Variants in RIMS4 observed in about 807,000 individuals in gnomAD.
RIMS4 encodes regulating synaptic membrane exocytosis 4, also known as regulating synaptic membrane exocytosis protein 4.
In RIMS4, 9 loss-of-function variants were observed where a neutral mutation model predicts 29.0. The ratio of observed to expected loss-of-function variants is 0.31; its 90% CI spans 0.19 to 0.54. RIMS4 has a LOEUF of 0.54. Ranked by LOEUF, RIMS4 falls within the 20% of genes least tolerant of loss-of-function variation. The probability of loss-of-function intolerance (pLI) is 0.94; values close to 1 mark genes in which losing one functional copy is unlikely to be tolerated. For missense variants in RIMS4, 193 were observed against 365.7 expected (o/e 0.53, Z 3.85); for synonymous variants, 130 against 152.9 (o/e 0.85, Z 1.10).
At chr20:44,805,512 C>T (rs1236330617) in intron 1 of RIMS4, among the ~76,000 whole-genome samples, 1 of 151,950 alleles carries the variant, frequency 6.6e-6, no homozygotes, top group African/African-American at 2.4e-5. Context: ...GTGTCCTGCC[C>T]TGGAGGGTGA....
intron 1 of RIMS4, among the ~76,000 whole-genome samples, chr20:44,779,533 C>T (rs573001822): frequency 1.4e-4 from 22 of 152,352 alleles, no homozygotes; most frequent in Admixed American, 5.2e-4. Context: ...TTACCCAACA[C>T]GACGTTTGTG....
intron 1 of RIMS4, among the ~76,000 whole-genome samples, chr20:44,779,380 A>G (rs1166977157): frequency 6.6e-6 from 1 of 152,256 alleles, no homozygotes; most frequent in African/African-American, 2.4e-5. Flanking sequence ...AGTGCCCTAC[A>G]GAAGGCCCAC....
At chr20:44,760,781 A>G (rs1444048827) in intron 2 of RIMS4, among the ~76,000 whole-genome samples, 1 of 152,220 alleles carries the variant, frequency 6.6e-6, no homozygotes, top group Admixed American at 6.5e-5. Context: ...GGAATATGTT[A>G]GTGAACAGTG....
intron 1 of RIMS4, among the ~76,000 whole-genome samples, chr20:44,805,418 C>A (rs2066294331): frequency 1.3e-5 from 2 of 152,158 alleles, no homozygotes; most frequent in South Asian, 4.1e-4. Context: ...CTTCACTTAT[C>A]CAAATCTACA....
intron 1 of RIMS4, among the ~76,000 whole-genome samples, chr20:44,789,293 CT>C (rs772930578): frequency 1.2e-4 from 18 of 152,100 alleles, no homozygotes; most frequent in Non-Finnish European, 2.5e-4. Flanking sequence ...ATGAGAATTT[CT>C]TTTTATTATT....
In RIMS4 at chr20:44,754,353, G is replaced by A. The variant is rs2066048847; in HGVS notation, c.*1781C>T. On this transcript the variant is annotated 3_prime_UTR_variant, in exon 6 of 6. Coordinates refer to ENST00000372851, the MANE Select transcript of RIMS4 (RefSeq NM_182970.4). Reference sequence around the variant, plus strand: ...AATACCCAGGGTTTCCACAGGCTAAGGGAAGGGAAGAATTTCCGGGTGGAA... The same window carrying A: ...AATACCCAGGGTTTCCACAGGCTAAAGGAAGGGAAGAATTTCCGGGTGGAA... 6.4e-6 allele frequency: 1 copy of A among 156,524 alleles called. No individual in the cohort carries two copies. 9.7% of individuals were successfully genotyped at this position (156,524 alleles called of 1,614,324 possible).
intron 1 of RIMS4, among the ~76,000 whole-genome samples, chr20:44,783,505 T>A (rs2066194055): frequency 6.6e-6 from 1 of 152,050 alleles, no homozygotes; most frequent in African/African-American, 2.4e-5. Context: ...GTGTCTGTAA[T>A]CCTAGCTACT....
rs752810542 is a variant in RIMS4 at position 44,753,541 on chromosome 20, T to G, written c.*2593A>C. 1 of 152,384 alleles carries G rather than the reference T, an allele frequency of 6.6e-6. No individual in the cohort carries two copies. The highest frequency in any genetic ancestry group is 2.4e-5 in the African/African-American group (1 of 41,410). The allele number at this position is 152,384 out of a possible 1,614,324, so 9.4% of individuals were successfully genotyped here. A position where few individuals can be genotyped will look rare whatever the true frequency, so the allele number is the denominator to read the frequency against. ...TCCCCTGGAGACCCCAGCCCCCCAG[T>G]GGCCCCTAGTGCCAGCCTCTCTGCT... is the stretch of plus-strand genomic sequence containing the variant. On this transcript the variant is annotated 3_prime_UTR_variant, in exon 6 of 6. Coordinates refer to ENST00000372851, the MANE Select transcript of RIMS4 (RefSeq NM_182970.4).
chr20:44,799,417 C>A (rs993329620), intron 1 of RIMS4, among the ~76,000 whole-genome samples: 4 of 151,846 alleles, frequency 2.6e-5, no homozygotes, highest in African/African-American at 9.7e-5. Flanking sequence ...AGAAGCTGGG[C>A]ACAAATGGTA....
At chr20:44,769,998 G>A (rs1314719622) in intron 2 of RIMS4, among the ~76,000 whole-genome samples, 2 of 152,204 alleles carry the variant, frequency 1.3e-5, no homozygotes, top group African/African-American at 4.8e-5. Flanking sequence ...AGTTGCTAGC[G>A]AGCACTTGAA....
chr20:44,808,265 C>T (rs547162247), intron 1 of RIMS4, among the ~76,000 whole-genome samples: 29 of 152,302 alleles, frequency 1.9e-4, no homozygotes, highest in African/African-American at 6.0e-4. Context: ...AAAAAACAAA[C>T]ATGAGTGGAC....
chr20:44,800,890 C>T (rs891771132), intron 1 of RIMS4, among the ~76,000 whole-genome samples: 18 of 152,206 alleles, frequency 1.2e-4, no homozygotes, highest in Non-Finnish European at 2.1e-4. Context: ...TAGACCAGAG[C>T]GAGGAGGCCT....
rs2066053054 is a variant in RIMS4 at position 44,755,104 on chromosome 20, T to A, written c.*1030A>T. ...CCGGGGCAGTGGGTTCTGCCCTTAG[T>A]ATAGGATGTTTTTTTTAAAAAGACT... is the stretch of plus-strand genomic sequence containing the variant. On this transcript the variant is annotated 3_prime_UTR_variant, in exon 6 of 6. Coordinates refer to ENST00000372851, the MANE Select transcript of RIMS4 (RefSeq NM_182970.4). 2 of 152,562 alleles carry A rather than the reference T, an allele frequency of 1.3e-5. No individual in the cohort carries two copies. The highest frequency in any genetic ancestry group is 2.9e-5 in the Non-Finnish European group (2 of 68,024). The allele number at this position is 152,562 out of a possible 1,614,324, so 9.5% of individuals were successfully genotyped here. A position where few individuals can be genotyped will look rare whatever the true frequency, so the allele number is the denominator to read the frequency against.
chr20:44,798,397 A>ATT (rs1260582823), intron 1 of RIMS4, among the ~76,000 whole-genome samples: 2 of 152,148 alleles, frequency 1.3e-5, no homozygotes, highest in Admixed American at 1.3e-4. Context: ...ATTTCTCCAT[A>ATT]TGGCCGAATG....
intron 1 of RIMS4, among the ~76,000 whole-genome samples, chr20:44,804,857 G>A (rs142955234): frequency 2.3e-3 from 347 of 152,302 alleles, no homozygotes; most frequent in African/African-American, 8.0e-3. Context: ...GATGGGGAAG[G>A]GGGTGCCTAA....
intron 1 of RIMS4, among the ~76,000 whole-genome samples, chr20:44,774,894 T>C (rs1028033065): frequency 4.6e-5 from 7 of 152,046 alleles, no homozygotes; most frequent in Admixed American, 2.0e-4. Context: ...CTCCCACCTC[T>C]TTCACCAACT....
At chr20:44,767,590 A>T (rs1601023739) in intron 2 of RIMS4, among the ~76,000 whole-genome samples, 1 of 152,336 alleles carries the variant, frequency 6.6e-6, no homozygotes, top group South Asian at 2.1e-4. Flanking sequence ...GCAACCATTA[A>T]AGAGAAAAAG....
intron 1 of RIMS4, among the ~76,000 whole-genome samples, chr20:44,800,264 G>A (rs548662254): frequency 6.6e-6 from 1 of 152,128 alleles, no homozygotes; most frequent in African/African-American, 2.4e-5. Context: ...TGTGATGGTG[G>A]CTTGTGGGAG....
rs571260072 is a variant in RIMS4, at chr20:44,778,989, T to A, written c.98-7576A>T. On this transcript the variant is annotated intron_variant, in intron 1 of 5. Transcript: ENST00000372851. Reference sequence around the variant, plus strand: ...CCAAATCTCAATCCTGAACACACCATCCCTTTGATTAAAACCCTTCAATGG... The same window carrying A: ...CCAAATCTCAATCCTGAACACACCAACCCTTTGATTAAAACCCTTCAATGG... 5.3e-5 allele frequency among the ~76,000 whole-genome samples: 8 copies of A among 152,276 alleles called. No homozygotes were observed. In the South Asian group the frequency reaches 1.7e-3, roughly 32 times the overall value.
Sources: allele counts gnomAD v4.1 joint callset (sites outside exome capture counted in the v4.1 genomes callset), GRCh38; gene constraint gnomAD v4.1.1; transcripts MANE v1.5; gene names NCBI Gene and HGNC (gene_info 2026-07-23, HGNC 2026-07-21).